Variants in APOB observed in about 807,000 individuals in gnomAD.
The protein encoded by APOB is apolipoprotein B.
APOB carries 153 observed loss-of-function variants against 314.1 expected under a neutral mutation model. The observed-to-expected ratio is 0.49, with a 90% confidence interval of 0.43 to 0.56. APOB has a LOEUF of 0.56. Ranked by LOEUF, APOB falls within the 20% of genes least tolerant of loss-of-function variation. APOB has a pLI of 0.00. For synonymous variants in APOB, 2,087 were observed against 2,036.4 expected (o/e 1.02, Z -0.67); for missense variants, 5,430 against 5,350.7 (o/e 1.01, Z -0.46).
rs1484887578 is a variant in APOB at position 21,009,793 on chromosome 2, C to T, written c.7075G>A (p.Asp2359Asn). 6.2e-7 allele frequency: 1 copy of T among 1,613,856 alleles called. No homozygotes were observed. The highest frequency in any genetic ancestry group is 2.2e-5 in the East Asian group (1 of 44,864). The change falls in exon 26 of 29, where the codon GAT becomes AAT. Residue 2359 changes from aspartate to asparagine, a missense_variant. Around this residue, in one of 3 missense-constraint regions of APOB, gnomAD observed 3,281 missense variants for 3,171.0 expected, o/e 1.03. Transcript: ENST00000233242. ...TGGTGGGCCAACTCTACTAATTTAT[C>T]CATTAAAACCTGGATTTGTTGGTCT... ...EVDQQIQVLMDKLVELAHQYK... is the reference protein window; with the variant it reads ...EVDQQIQVLMNKLVELAHQYK...
At position 21,010,336 on chromosome 2, in the gene APOB, T is replaced by C. The variant is rs369720788; in HGVS notation, c.6532A>G (p.Met2178Val). The C allele has an allele frequency of 9.6e-6, 15 of 1,566,876 alleles. No individual in the cohort carries two copies. The highest frequency in any genetic ancestry group is 1.3e-5 in the Non-Finnish European group (15 of 1,155,708). ...NEKLSQLQTY[M>V]IQFDQYIKDS... ...TTAATATACTGATCAAATTGTATCA[T>C]ATATGTCTGCAGTTGAGATAGTTTT... The change falls in exon 26 of 29, where the codon ATG becomes GTG. Residue 2178 changes from methionine to valine, a missense_variant. Physicochemically the swap from Met to Val is conservative, Grantham distance 21. Transcript: ENST00000233242.
chr2:21,031,652 T>C (rs1663882119), intron 10 of APOB, among the ~76,000 whole-genome samples: 1 of 152,088 alleles, frequency 6.6e-6, no homozygotes, highest in African/African-American at 2.4e-5. Context: ...AAAAACCTGC[T>C]AGCCTGAGCA....
intron 23 of APOB, 143 bp downstream of exon 23, chr2:21,014,930 T>C: frequency 1.1e-6 from 1 of 889,474 alleles, no homozygotes; most frequent in Non-Finnish European, 1.8e-6. Flanking sequence ...CTTGTGAAAG[T>C]TTTTTTTTCT....
In APOB at chr2:21,026,867, AC is replaced by A; in HGVS notation, c.2164del (p.Val722LeufsTer13). On this transcript the variant is annotated frameshift_variant, in exon 15 of 29. Transcript: ENST00000233242. LOFTEE classifies it high-confidence loss of function. ...GACACCATCAGGAACTTGACCATTA[AC>A]CCAGTACAAAGCTTTGTTGACACTG... is the stretch of plus-strand genomic sequence containing the variant. ...PDSVNKALYW[V>X]NGQVPDGVSK... 1 of 1,614,072 alleles carries A rather than the reference AC, an allele frequency of 6.2e-7. No homozygotes were observed. The highest frequency in any genetic ancestry group is 8.5e-7 in the Non-Finnish European group (1 of 1,179,960).
At chr2:21,034,795 T>C (rs778470278) in intron 8 of APOB, 21 bp downstream of exon 8, 2 of 1,435,638 alleles carry the variant, frequency 1.4e-6, no homozygotes, top group Non-Finnish European at 2.0e-6. Flanking sequence ...TTCCAGCAAC[T>C]ATGTGGACAG....
intron 4 of APOB, 62 bp downstream of exon 4, chr2:21,040,876 A>G (rs1664112987): frequency 6.3e-7 from 1 of 1,592,036 alleles, no homozygotes; most frequent in Non-Finnish European, 8.6e-7. Context: ...TGGTGCAAAC[A>G]CACAAGTTCA....
In APOB at chr2:21,040,954, C is replaced by G. The variant is rs1177975597; in HGVS notation, c.367G>C (p.Ala123Pro). ...ATGACTTACCTGGACATGGCTGCAG[C>G]AAACTCCTCAGAGTTCTTGGTTTTC... is the stretch of plus-strand genomic sequence containing the variant. ...LKKTKNSEEF[A>P]AAMSRYELKL... Residue 123 changes from alanine to proline, a missense_variant, in exon 4 of 29, where the codon GCT becomes CCT. Around this residue, in one of 3 missense-constraint regions of APOB, gnomAD observed 2,085 missense variants for 2,079.7 expected, o/e 1.00. Coordinates refer to ENST00000233242, the MANE Select transcript of APOB (RefSeq NM_000384.3). The G allele has an allele frequency of 6.2e-7, 1 of 1,614,090 alleles. No individual in the cohort carries two copies. Among genetic ancestry groups the G allele is most frequent in the Non-Finnish European group, 8.5e-7 (1 of 1,180,036 alleles).
intron 10 of APOB, among the ~76,000 whole-genome samples, chr2:21,031,852 A>G (rs12720805): frequency 6.6e-6 from 1 of 151,948 alleles, no homozygotes; most frequent in East Asian, 1.9e-4. Flanking sequence ...CATCTCAAAA[A>G]AACAACAACA....
chr2:21,018,162 T>C (rs1663521789), intron 20 of APOB, among the ~76,000 whole-genome samples: 1 of 152,224 alleles, frequency 6.6e-6, no homozygotes, highest in Non-Finnish European at 1.5e-5. Context: ...CTTCAAAATA[T>C]GGCCAGAATC....
At position 21,009,221 on chromosome 2, in the gene APOB, G is replaced by A. The variant is rs1572781917; in HGVS notation, c.7647C>T (p.Tyr2549=). 6.2e-7 allele frequency: 1 copy of A among 1,614,076 alleles called. No homozygotes were observed. The highest frequency in any genetic ancestry group is 8.5e-7 in the Non-Finnish European group (1 of 1,179,924). The change falls in exon 26 of 29, where the codon TAC becomes TAT. Residue 2549 remains tyrosine (Y), a synonymous_variant. Coordinates refer to ENST00000233242, the MANE Select transcript of APOB (RefSeq NM_000384.3). The stretch of plus-strand genomic sequence containing the variant: ...CAGCAAGAGTCCACCAATCAGAAAT[G>A]TAGGTGACAAGTGTGCTATAAACCT... The part of the protein sequence containing the change: ...VGQVYSTLVT[Y]ISDWWTLAAK...
intron 14 of APOB, among the ~76,000 whole-genome samples, chr2:21,027,590 G>A (rs182795768): frequency 1.5e-4 from 23 of 152,334 alleles, no homozygotes; most frequent in Admixed American, 1.2e-3. Context: ...TGGGATTACA[G>A]GAGTGAGCCA....
rs1244114950 is a variant in APOB at position 21,007,770 on chromosome 2, A to G, written c.9098T>C (p.Leu3033Ser). 3 of 1,614,084 alleles carry G rather than the reference A, an allele frequency of 1.9e-6. No individual in the cohort carries two copies. Among genetic ancestry groups the G allele is most frequent in the South Asian group, 1.1e-5 (1 of 91,086 alleles). ...GGCTGAAAAGAAAAGAGAATTTTTC[A>G]AAGTTCCAATAACCTTTCCATTTAA... ...AHLNGKVIGTLKNSLFFSAQP... is the reference protein window; with the variant it reads ...AHLNGKVIGTSKNSLFFSAQP... The change falls in exon 26 of 29, where the codon TTG becomes TCG. Residue 3033 changes from leucine (L) to serine (S), a missense_variant. By Grantham distance (145) the Leu-to-Ser change is moderately radical (BLOSUM62 -2). Around this residue, in one of 3 missense-constraint regions of APOB, gnomAD observed 3,281 missense variants for 3,171.0 expected, o/e 1.03. Coordinates refer to ENST00000233242, the MANE Select transcript of APOB (RefSeq NM_000384.3).
chr2:21,020,310 C>T (rs575051614), intron 18 of APOB, among the ~76,000 whole-genome samples: 27 of 152,324 alleles, frequency 1.8e-4, no homozygotes, highest in Admixed American at 7.8e-4. Flanking sequence ...CTTCCTTCCA[C>T]CTGCATTAAG....
chr2:21,011,065 C>T lies in APOB; in HGVS notation c.5803G>A (p.Ala1935Thr). The change falls in exon 26 of 29, where the codon GCA (alanine) becomes ACA (threonine). Residue 1935 changes from alanine to threonine, a missense_variant. Coordinates refer to ENST00000233242, the MANE Select transcript of APOB (RefSeq NM_000384.3). The stretch of plus-strand genomic sequence containing the variant: ...GAGAAAGTAAATGCCAGAGGTTCTG[C>T]TTTCAACAGGAATTTGCTATACAGC... The part of the protein sequence containing the change: ...GQLYSKFLLK[A>T]EPLAFTFSHD... 1 of 1,614,192 alleles carries T rather than the reference C, an allele frequency of 6.2e-7. No individual in the cohort carries two copies. The highest frequency in any genetic ancestry group is 1.1e-5 in the South Asian group (1 of 91,082).
chr2:21,037,051 AT>A, intron 6 of APOB, 48 bp downstream of exon 6: 1 of 1,612,320 alleles, frequency 6.2e-7, no homozygotes, highest in Non-Finnish European at 8.5e-7. Flanking sequence ...AATTGTATTA[AT>A]AAGAGGATGC....
At chr2:21,013,621 C>T in intron 24 of APOB, 88 bp from the exon 25 acceptor site, 1 of 1,577,468 alleles carries the variant, frequency 6.3e-7, no homozygotes, top group Non-Finnish European at 8.7e-7. Context: ...CAATATTGTA[C>T]TTGCCCCATT....
At position 21,023,679 on chromosome 2, in the gene APOB, A is replaced by G. The variant is rs1324775693; in HGVS notation, c.2450T>C (p.Ile817Thr). The G allele has an allele frequency of 1.9e-6, 3 of 1,611,344 alleles. No individual in the cohort carries two copies. Among genetic ancestry groups the G allele is most frequent in the Non-Finnish European group, 8.5e-7 (1 of 1,177,650 alleles). Reference protein sequence around the residue: ...QGIPQMIGEVIRKGSKNDFFL... With the variant: ...QGIPQMIGEVTRKGSKNDFFL... ...AAAGTCATTCTTTGAGCCCTTCCTG[A>G]TGACCTCTCCAATCTGTAGACCCAA... is the stretch of plus-strand genomic sequence containing the variant. Residue 817 changes from isoleucine (I) to threonine (T), a missense_variant, in exon 17 of 29, where the codon ATC becomes ACC. Physicochemically the swap from Ile to Thr is moderately conservative, Grantham distance 89. Coordinates refer to ENST00000233242, the MANE Select transcript of APOB (RefSeq NM_000384.3).
At position 21,007,170 on chromosome 2, in the gene APOB, T is replaced by C. The variant is rs753419406; in HGVS notation, c.9698A>G (p.Tyr3233Cys). Reference sequence around the variant, plus strand: ...CTCGTCGTGAGATTTTTCAGCTTTGTACTTATCAAACTTAATTTTTGTTTC... The same window carrying C: ...CTCGTCGTGAGATTTTTCAGCTTTGCACTTATCAAACTTAATTTTTGTTTC... Reference protein sequence around the residue: ...YNETKIKFDKYKAEKSHDELP... With the variant: ...YNETKIKFDKCKAEKSHDELP... The change falls in exon 26 of 29, where the codon TAC (tyrosine) becomes TGC (cysteine). Residue 3233 changes from tyrosine (Y) to cysteine (C), a missense_variant. Physicochemically the swap from Tyr to Cys is radical, Grantham distance 194. Transcript: ENST00000233242. 1.2e-6 allele frequency: 2 copies of C among 1,613,972 alleles called. No homozygotes were observed. Among genetic ancestry groups the C allele is most frequent in the Admixed American group, 3.3e-5 (2 of 59,966 alleles).
intron 5 of APOB, among the ~76,000 whole-genome samples, chr2:21,037,481 G>A (rs1314338678): frequency 3.9e-5 from 6 of 152,176 alleles, no homozygotes; most frequent in Admixed American, 3.9e-4. Context: ...GCCTCCGCAG[G>A]TTGCATCGGT....
Sources: allele counts gnomAD v4.1 joint callset (sites outside exome capture counted in the v4.1 genomes callset), GRCh38; gene constraint gnomAD v4.1.1; regional missense constraint gnomAD v4.1.1; transcripts MANE v1.5; gene names NCBI Gene and HGNC (gene_info 2026-07-23, HGNC 2026-07-21).